The following CPA6 variants were observed in gnomAD, a reference collection of about 807,000 sequenced individuals.
CPA6 encodes the protein carboxypeptidase A6, also known as carboxypeptidase B.
In CPA6, 58 loss-of-function variants were observed where a neutral mutation model predicts 63.3. That is an observed-to-expected ratio of 0.92 (90% CI 0.74 to 1.14). The LOEUF is 1.14. CPA6 is among the 50% of genes most tolerant of loss of function. CPA6 has a pLI of 0.00. For missense variants in CPA6, 565 were observed against 526.6 expected, an observed-to-expected ratio of 1.07 and a Z score of -0.71; for synonymous variants, 185 against 179.0, an observed-to-expected ratio of 1.03 and a Z score of -0.27.
intron 2 of CPA6, among the ~76,000 whole-genome samples, chr8:67,557,703 G>A (rs1308379347): frequency 1.3e-5 from 2 of 152,160 alleles, no homozygotes; most frequent in Non-Finnish European, 2.9e-5. Context: ...GGCTCCATAG[G>A]AGTCTTCCTG....
At chr8:67,518,360 T>C (rs1812191097) in intron 2 of CPA6, among the ~76,000 whole-genome samples, 1 of 152,170 alleles carries the variant, frequency 6.6e-6, no homozygotes, top group Admixed American at 6.5e-5. Context: ...TTATTTGCTA[T>C]GCAAATACTT....
chr8:67,675,915 G>C (rs957557545), intron 1 of CPA6, among the ~76,000 whole-genome samples: 3 of 152,222 alleles, frequency 2.0e-5, no homozygotes, highest in African/African-American at 7.2e-5. Flanking sequence ...TCACAGGTGT[G>C]ATCATAGTGC....
intron 2 of CPA6, among the ~76,000 whole-genome samples, chr8:67,601,689 G>C (rs1038502201): frequency 6.6e-6 from 1 of 151,926 alleles, no homozygotes; most frequent in Non-Finnish European, 1.5e-5. Context: ...CTCATTATTC[G>C]GTCTATTTTG....
chr8:67,570,321 G>C (rs947902224), intron 2 of CPA6, among the ~76,000 whole-genome samples: 11 of 152,194 alleles, frequency 7.2e-5, no homozygotes, highest in Non-Finnish European at 1.6e-4. Flanking sequence ...GCTAAAGGGA[G>C]TTCTTTAAAC....
At position 67,576,362 on chromosome 8, in the gene CPA6, CTT is replaced by C. The variant is rs1335136227; in HGVS notation, c.192+47812_192+47813del. Among the ~76,000 whole-genome samples, 5 of 152,320 alleles carry C rather than the reference CTT, an allele frequency of 3.3e-5. No individual in the cohort carries two copies. In the East Asian group the frequency reaches 9.6e-4, roughly 29 times the overall value. Reference sequence around the variant, plus strand: ...AAACATTTTATCTGGAACCACCAGACTTAATCAGGTCAAGATGTGCTAGCTGC... The same window carrying C: ...AAACATTTTATCTGGAACCACCAGACAATCAGGTCAAGATGTGCTAGCTGC... On this transcript the variant is annotated intron_variant, in intron 2 of 10. Transcript: ENST00000297770.
In CPA6 at chr8:67,559,658, T is replaced by G. The variant is rs560126132; in HGVS notation, c.193-41611A>C. On this transcript the variant is annotated intron_variant, in intron 2 of 10. Transcript: ENST00000297770. ...TGAAGAAACAGGCAAACTTTCTTTCTTATTTATTCTATTCTGTTTGTCCTT... is the reference window on the plus strand; with the variant it reads ...TGAAGAAACAGGCAAACTTTCTTTCGTATTTATTCTATTCTGTTTGTCCTT... Among the ~76,000 whole-genome samples, 6 of 152,252 alleles carry G rather than the reference T, an allele frequency of 3.9e-5. No individual in the cohort carries two copies. In the East Asian group the frequency reaches 9.6e-4, roughly 24 times the overall value.
intron 1 of CPA6, among the ~76,000 whole-genome samples, chr8:67,716,615 TTC>T: frequency 6.6e-6 from 1 of 152,320 alleles, no homozygotes; most frequent in Non-Finnish European, 1.5e-5. Flanking sequence ...TGGCTTTGAT[TTC>T]TGTCTGTCCT....
chr8:67,637,993 G>C (rs1444533468), intron 1 of CPA6, among the ~76,000 whole-genome samples: 3 of 151,146 alleles, frequency 2.0e-5, no homozygotes, highest in Admixed American at 2.0e-4. Flanking sequence ...GTGTGTGTGT[G>C]TGTGTGTGTG....
At chr8:67,534,107 C>A (rs1393982123) in intron 2 of CPA6, among the ~76,000 whole-genome samples, 1 of 152,216 alleles carries the variant, frequency 6.6e-6, no homozygotes, top group Non-Finnish European at 1.5e-5. Context: ...CCCCAATGTT[C>A]CCCTTGGAAT....
chr8:67,714,923 A>T (rs1817346475), intron 1 of CPA6, among the ~76,000 whole-genome samples: 1 of 152,202 alleles, frequency 6.6e-6, no homozygotes, highest in African/African-American at 2.4e-5. Flanking sequence ...TTTAAAGCCC[A>T]GACTAAACCA....
intron 2 of CPA6, among the ~76,000 whole-genome samples, chr8:67,592,900 T>C (rs1814175426): frequency 6.6e-6 from 1 of 152,076 alleles, no homozygotes; most frequent in African/African-American, 2.4e-5. Flanking sequence ...TCTGCTCTGA[T>C]TTTAGTTATT....
intron 2 of CPA6, among the ~76,000 whole-genome samples, chr8:67,533,849 G>T (rs946616946): frequency 1.3e-5 from 2 of 152,094 alleles, no homozygotes; most frequent in African/African-American, 2.4e-5. Flanking sequence ...CTGGCCCAGG[G>T]TACCAAAGCC....
chr8:67,659,984 G>C (rs998678813), intron 1 of CPA6, among the ~76,000 whole-genome samples: 1 of 152,122 alleles, frequency 6.6e-6, no homozygotes, highest in Non-Finnish European at 1.5e-5. Context: ...TCCCTCTACC[G>C]TGGAAAAGTT....
intron 1 of CPA6, among the ~76,000 whole-genome samples, chr8:67,655,904 C>T (rs1815972037): frequency 6.6e-6 from 1 of 152,102 alleles, no homozygotes; most frequent in Admixed American, 6.6e-5. Flanking sequence ...AGAATTTTCC[C>T]CTTCATTGAT....
intron 2 of CPA6, among the ~76,000 whole-genome samples, chr8:67,524,193 C>T (rs775728761): frequency 5.9e-5 from 9 of 152,082 alleles, no homozygotes; most frequent in Non-Finnish European, 1.0e-4. Flanking sequence ...GCTTCTCTAC[C>T]CTCCAAGTTT....
intron 2 of CPA6, among the ~76,000 whole-genome samples, chr8:67,569,134 A>G (rs761287165): frequency 2.6e-5 from 4 of 152,212 alleles, no homozygotes; most frequent in Non-Finnish European, 4.4e-5. Flanking sequence ...GGAGTACAAA[A>G]GTCCCAATTA....
chr8:67,451,286 A>G (rs1176456226), intron 8 of CPA6, among the ~76,000 whole-genome samples: 1 of 152,172 alleles, frequency 6.6e-6, no homozygotes, highest in Non-Finnish European at 1.5e-5. Context: ...TTACTAGGTG[A>G]GCTCTGCCTC....
intron 1 of CPA6, among the ~76,000 whole-genome samples, chr8:67,629,197 G>A (rs951397679): frequency 6.6e-6 from 1 of 152,078 alleles, no homozygotes; most frequent in Non-Finnish European, 1.5e-5. Context: ...GCTGGGTGTG[G>A]TGACTCATAC....
Position 67,633,273 on chromosome 8 carries a change from A to T in CPA6, c.117-9022T>A, listed in dbSNP as rs190956354. 6.5e-3 allele frequency among the ~76,000 whole-genome samples: 990 copies of T among 152,246 alleles called. 15 individuals are homozygous for T. Among genetic ancestry groups the T allele is most frequent in the African/African-American group, 0.023 (949 of 41,556 alleles). On this transcript the variant is annotated intron_variant, in intron 1 of 10. Coordinates refer to ENST00000297770, the MANE Select transcript of CPA6 (RefSeq NM_020361.5). ...GTTTGCCTGGCATTTTTAACTGGAA[A>T]TTTCACTTATTCACATTAATTGTAA...
Sources: allele counts gnomAD v4.1 joint callset (sites outside exome capture counted in the v4.1 genomes callset), GRCh38; gene constraint gnomAD v4.1.1; transcripts MANE v1.5; gene names NCBI Gene and HGNC (gene_info 2026-07-23, HGNC 2026-07-21).